The following DLGAP1 variants were observed in gnomAD, a reference collection of about 807,000 sequenced individuals.
The protein encoded by DLGAP1 is DLG associated protein 1.
A neutral mutation model predicts 90.8 loss-of-function variants in DLGAP1; 11 were observed. The observed-to-expected ratio is 0.12, with a 90% CI of 0.08 to 0.20. DLGAP1 has a LOEUF of 0.20. DLGAP1 is among the 10% of genes least tolerant of loss of function. The pLI is 1.00. For synonymous variants in DLGAP1, 558 were observed against 540.7 expected (o/e 1.03, Z -0.44); for missense variants, 1,050 against 1,333.8 (o/e 0.79, Z 3.31).
intron 1 of DLGAP1, among the ~76,000 whole-genome samples, chr18:4,333,810 C>T (rs1226773864): frequency 6.6e-6 from 1 of 151,142 alleles, no homozygotes; most frequent in East Asian, 2.0e-4. Flanking sequence ...CTGTGTTATC[C>T]AGGATGGTCT....
chr18:3,520,602 G>A (rs964061825), intron 10 of DLGAP1, among the ~76,000 whole-genome samples: 2 of 152,124 alleles, frequency 1.3e-5, no homozygotes, highest in Non-Finnish European at 2.9e-5. Context: ...CACACACAGA[G>A]GGGAGAATCA....
chr18:4,379,966 T>G (rs2082083797), intron 1 of DLGAP1, among the ~76,000 whole-genome samples: 1 of 152,184 alleles, frequency 6.6e-6, no homozygotes, highest in African/African-American at 2.4e-5. Context: ...TTAAAGCACA[T>G]GTGGCAAGCA....
At chr18:4,039,837 T>C (rs1343505143) in intron 2 of DLGAP1, among the ~76,000 whole-genome samples, 10 of 152,324 alleles carry the variant, frequency 6.6e-5, no homozygotes, top group Non-Finnish European at 1.5e-5. Context: ...TCAAATTTGA[T>C]AGAATTAAGA....
intron 5 of DLGAP1, among the ~76,000 whole-genome samples, chr18:3,789,114 A>G (rs973696702): frequency 1.3e-5 from 2 of 152,226 alleles, no homozygotes; most frequent in East Asian, 3.8e-4. Context: ...TCCTTGATTG[A>G]GCCCTCGCTG....
At chr18:3,781,037 A>G (rs961544967) in intron 5 of DLGAP1, among the ~76,000 whole-genome samples, 2 of 152,082 alleles carry the variant, frequency 1.3e-5, no homozygotes, top group African/African-American at 2.4e-5. Context: ...TATGTTTCCC[A>G]GGCCGGTCTT....
At chr18:4,283,828 A>C (rs12963904) in intron 1 of DLGAP1, among the ~76,000 whole-genome samples, 2 of 151,960 alleles carry the variant, frequency 1.3e-5, no homozygotes, top group Non-Finnish European at 2.9e-5. Flanking sequence ...AAACTATGTA[A>C]AACTGTAACT....
At chr18:4,432,527 T>A (rs1199969433) in intron 1 of DLGAP1, among the ~76,000 whole-genome samples, 1 of 152,018 alleles carries the variant, frequency 6.6e-6, no homozygotes. Flanking sequence ...CAAGTTGATG[T>A]TTTGATATAT....
chr18:3,918,909 G>C (rs969755883), intron 3 of DLGAP1, among the ~76,000 whole-genome samples: 1 of 152,106 alleles, frequency 6.6e-6, no homozygotes, highest in Non-Finnish European at 1.5e-5. Flanking sequence ...GAGATGCGTA[G>C]CTTAGGAACC....
chr18:3,498,172 A>G lies in DLGAP1; in HGVS notation c.*1013T>C, dbSNP rs2049755544. The G allele has an allele frequency of 1.3e-5, 2 of 152,370 alleles. No homozygotes were observed. The highest frequency in any genetic ancestry group is 4.1e-4 in the South Asian group (2 of 4,830). 9.4% of individuals were successfully genotyped at this position (152,370 alleles called of 1,614,324 possible). A position where few individuals can be genotyped will look rare whatever the true frequency, so the allele number is the denominator to read the frequency against. Reference sequence around the variant, plus strand: ...GCCTTGCTGCCATTTACAGCGCTTTATAAGCAGATATGTACTTATATATGT... The same window carrying G: ...GCCTTGCTGCCATTTACAGCGCTTTGTAAGCAGATATGTACTTATATATGT... On this transcript the variant is annotated 3_prime_UTR_variant, in exon 13 of 13. Coordinates refer to ENST00000315677, the MANE Select transcript of DLGAP1 (RefSeq NM_004746.4).
chr18:3,551,528 G>C (rs182380182), intron 9 of DLGAP1, among the ~76,000 whole-genome samples: 2 of 152,282 alleles, frequency 1.3e-5, no homozygotes, highest in Admixed American at 6.5e-5. Context: ...GATTACAGGT[G>C]TGTACCACTA....
chr18:4,064,285 C>T (rs1406114161), intron 2 of DLGAP1, among the ~76,000 whole-genome samples: 1 of 151,706 alleles, frequency 6.6e-6, no homozygotes, highest in Non-Finnish European at 1.5e-5. Flanking sequence ...AATTCTAAGC[C>T]CCTCAACCAA....
At chr18:3,546,821 C>T (rs75552602) in intron 9 of DLGAP1, among the ~76,000 whole-genome samples, 2,989 of 151,876 alleles carry the variant, frequency 0.02, 44 homozygotes, top group Non-Finnish European at 0.027. Flanking sequence ...AATAGAAGAG[C>T]GAATGCAGCT....
At chr18:4,175,378 T>A (rs879127075) in intron 1 of DLGAP1, among the ~76,000 whole-genome samples, 7 of 152,206 alleles carry the variant, frequency 4.6e-5, no homozygotes, top group African/African-American at 1.7e-4. Flanking sequence ...GTCTGTTGAC[T>A]CTGATGATAA....
chr18:4,055,539 TTTG>T (rs1438747373), intron 2 of DLGAP1, among the ~76,000 whole-genome samples: 1 of 139,516 alleles, frequency 7.2e-6, no homozygotes, highest in African/African-American at 2.5e-5. Flanking sequence ...ACATGCAGTA[TTTG>T]TTTTTTTTGT....
chr18:4,339,067 T>C (rs138013700), intron 1 of DLGAP1, among the ~76,000 whole-genome samples: 245 of 152,292 alleles, frequency 1.6e-3, no homozygotes, highest in African/African-American at 5.6e-3. Context: ...GAAGGTTAGT[T>C]AAGAACTAAA....
intron 5 of DLGAP1, among the ~76,000 whole-genome samples, chr18:3,802,131 T>C (rs1046392530): frequency 6.6e-6 from 1 of 152,100 alleles, no homozygotes; most frequent in Admixed American, 6.5e-5. Flanking sequence ...ACTACAGGTG[T>C]GTGCCACCAT....
rs1319239450 is a variant in DLGAP1 at position 3,660,527 on chromosome 18, T to C, written c.1591+68608A>G. 6.6e-6 allele frequency among the ~76,000 whole-genome samples: 1 copy of C among 152,228 alleles called. No homozygotes were observed. Among genetic ancestry groups the C allele is most frequent in the Non-Finnish European group, 1.5e-5 (1 of 68,046 alleles). ...ATTTACTGAATGAAAAGGTGATCAT[T>C]CCCGAGTATCCTCAAGGAGGATCTT... On this transcript the variant is annotated intron_variant, in intron 7 of 12. Coordinates refer to ENST00000315677, the MANE Select transcript of DLGAP1 (RefSeq NM_004746.4). This position sits in a 1 kb window ranked among gnomAD's most constrained non-coding sequence, Gnocchi z 4.2.
At chr18:4,166,816 G>C (rs1241005381) in intron 1 of DLGAP1, among the ~76,000 whole-genome samples, 3 of 152,130 alleles carry the variant, frequency 2.0e-5, no homozygotes, top group Non-Finnish European at 4.4e-5. Context: ...ATTTACACAA[G>C]GTTCCTAAAA....
intron 3 of DLGAP1, among the ~76,000 whole-genome samples, chr18:3,895,556 A>G (rs1012019816): frequency 1.3e-5 from 2 of 152,246 alleles, no homozygotes; most frequent in African/African-American, 4.8e-5. Flanking sequence ...ATGTTAGCCA[A>G]ATAAATACAT....
Sources: gnomAD v4.1 joint callset for allele counts (sites outside exome capture counted in the v4.1 genomes callset) on GRCh38, gnomAD v4.1.1 for gene constraint, Gnocchi (gnomAD v3.1) non-coding constraint, MANE v1.5 for transcripts, NCBI Gene and HGNC (gene_info 2026-07-23, HGNC 2026-07-21) for gene names.